The following SHC4 variants were observed in gnomAD, a reference collection of about 807,000 sequenced individuals.
SHC4 encodes the protein SHC adaptor protein 4.
In SHC4, 41 loss-of-function variants were observed where a neutral mutation model predicts 69.4. The observed-to-expected ratio is 0.59, with a 90% confidence interval of 0.46 to 0.77. The LOEUF (loss-of-function observed/expected upper bound fraction) is 0.77. SHC4 is among the 30% of genes least tolerant of loss of function. SHC4 has a pLI of 0.00. For missense variants in SHC4, 777 were observed against 783.8 expected (o/e 0.99, Z 0.10); for synonymous variants, 318 against 299.3 (o/e 1.06, Z -0.64).
intron 7 of SHC4, among the ~76,000 whole-genome samples, chr15:48,856,489 C>T (rs984867889): frequency 4.6e-5 from 7 of 151,944 alleles, no homozygotes; most frequent in Non-Finnish European, 1.0e-4. Context: ...TTTGATTGTT[C>T]CATTTTGGAA....
chr15:48,945,809 G>A (rs770590263), intron 1 of SHC4: 2 of 152,118 alleles, frequency 1.3e-5, no homozygotes, highest in African/African-American at 4.8e-5. Flanking sequence ...ACAATTTCGT[G>A]ACTATATGAA....
At chr15:48,854,980 A>G (rs1899284022) in intron 8 of SHC4, among the ~76,000 whole-genome samples, 1 of 152,202 alleles carries the variant, frequency 6.6e-6, no homozygotes, top group Admixed American at 6.5e-5. Flanking sequence ...AATTGAATTT[A>G]GTACACATGT....
At position 48,937,136 on chromosome 15, in the gene SHC4, A is replaced by T. The variant is rs143684189; in HGVS notation, c.586-12187T>A. The stretch of plus-strand genomic sequence containing the variant: ...TCATCATGTGCCTTTGCACAAATAG[A>T]GATGTATATTCTGTTTAGTCGCAAA... On this transcript the variant is annotated intron_variant, in intron 1 of 11. Transcript: ENST00000332408. Among the ~76,000 whole-genome samples, 341 of 152,364 alleles carry T rather than the reference A, an allele frequency of 2.2e-3. 1 individual carries two copies. The highest frequency in any genetic ancestry group is 7.8e-3 in the African/African-American group (326 of 41,590).
chr15:48,847,516 C>T (rs865912189), intron 9 of SHC4, among the ~76,000 whole-genome samples: 18 of 152,102 alleles, frequency 1.2e-4, no homozygotes, highest in African/African-American at 4.3e-4. Flanking sequence ...TTATAATACA[C>T]TGGAATTCAA....
chr15:48,833,873 A>T (rs1898853320), intron 11 of SHC4, among the ~76,000 whole-genome samples: 1 of 152,224 alleles, frequency 6.6e-6, no homozygotes, highest in African/African-American at 2.4e-5. Flanking sequence ...GACTGTTTTC[A>T]GCTCTATGCT....
chr15:48,912,611 G>A (rs986362989), intron 2 of SHC4, among the ~76,000 whole-genome samples: 4 of 151,910 alleles, frequency 2.6e-5, no homozygotes, highest in East Asian at 3.9e-4. Context: ...TTTCTTCTTC[G>A]TTTGGATCCA....
chr15:48,953,820 T>A (rs1901402595), intron 1 of SHC4, among the ~76,000 whole-genome samples: 1 of 152,184 alleles, frequency 6.6e-6, no homozygotes, highest in Non-Finnish European at 1.5e-5. Context: ...TACGAGTAGC[T>A]CATAGCAACA....
At chr15:48,948,667 A>C (rs1447588549) in intron 1 of SHC4, among the ~76,000 whole-genome samples, 1 of 152,188 alleles carries the variant, frequency 6.6e-6, no homozygotes. Context: ...ACACTTTGGA[A>C]GGCCGAGGCA....
chr15:48,875,646 C>A (rs1281741004), intron 4 of SHC4, among the ~76,000 whole-genome samples: 7 of 152,194 alleles, frequency 4.6e-5, no homozygotes. Flanking sequence ...ACTTTTGTTG[C>A]CAACCAGCAC....
chr15:48,897,894 C>T (rs758152254), intron 2 of SHC4, among the ~76,000 whole-genome samples: 14 of 152,214 alleles, frequency 9.2e-5, no homozygotes, highest in Middle Eastern at 3.4e-3. Context: ...AAAAAGTCAA[C>T]GATACTCAGC....
intron 11 of SHC4, among the ~76,000 whole-genome samples, chr15:48,833,585 C>T (rs1181141030): frequency 6.6e-6 from 1 of 152,170 alleles, no homozygotes; most frequent in African/African-American, 2.4e-5. Flanking sequence ...CCAGCTGCAG[C>T]AAGCTATCCT....
chr15:48,878,075 G>T (rs1762899852), intron 4 of SHC4: 1 of 1,445,888 alleles, frequency 6.9e-7, no homozygotes, highest in South Asian at 1.4e-5. Context: ...CCTGCGCGCG[G>T]GGTTACGCAA....
intron 3 of SHC4, among the ~76,000 whole-genome samples, chr15:48,886,583 A>G (rs115078239): frequency 0.011 from 1,627 of 152,054 alleles, 34 homozygotes; most frequent in African/African-American, 0.037. Context: ...CAACTCCGGA[A>G]CCCCCTCAAT....
At chr15:48,903,919 C>G (rs1370365606) in intron 2 of SHC4, among the ~76,000 whole-genome samples, 1 of 152,156 alleles carries the variant, frequency 6.6e-6, no homozygotes, top group Non-Finnish European at 1.5e-5. Context: ...GTGCATGCCA[C>G]CACCCCCAGC....
rs1459359705 is a variant in SHC4, at chr15:48,890,734, A to G, written c.720+14T>C. ...TTAGGGAAACATAAACAAGAAAACC[A>G]CATCATCATTTACCTTTCGCTTTTT... On this transcript the variant is annotated intron_variant, in intron 3 of 11. Coordinates refer to ENST00000332408, the MANE Select transcript of SHC4 (RefSeq NM_203349.4). 2 of 1,613,904 alleles carry G rather than the reference A, an allele frequency of 1.2e-6. No homozygotes were observed. The highest frequency in any genetic ancestry group is 3.3e-5 in the Admixed American group (2 of 60,004).
At chr15:48,940,014 C>T (rs1901145793) in intron 1 of SHC4, among the ~76,000 whole-genome samples, 1 of 152,324 alleles carries the variant, frequency 6.6e-6, no homozygotes, top group South Asian at 2.1e-4. Flanking sequence ...CATCATGGGG[C>T]AGCGGAAGGA....
intron 1 of SHC4, among the ~76,000 whole-genome samples, chr15:48,961,464 C>G (rs747016212): frequency 1.3e-5 from 2 of 152,158 alleles, no homozygotes; most frequent in South Asian, 2.1e-4. Flanking sequence ...TAAGGCCCAG[C>G]CTGTGTGATG....
chr15:48,827,895 T>G (rs1898718579), intron 11 of SHC4, among the ~76,000 whole-genome samples: 1 of 152,170 alleles, frequency 6.6e-6, no homozygotes, highest in Non-Finnish European at 1.5e-5. Context: ...AGCTGAGTGG[T>G]GACTGCCCCC....
intron 4 of SHC4, chr15:48,879,570 A>C (rs1272364832): frequency 6.0e-6 from 1 of 167,088 alleles, no homozygotes; most frequent in Non-Finnish European, 1.5e-5. Context: ...TTAACTTGAC[A>C]GATGAAGGAC....
Sources: gnomAD v4.1 joint callset for allele counts (sites outside exome capture counted in the v4.1 genomes callset) on GRCh38, gnomAD v4.1.1 for gene constraint, MANE v1.5 for transcripts, NCBI Gene and HGNC (gene_info 2026-07-23, HGNC 2026-07-21) for gene names.